The following EXD1 variants were observed in gnomAD, a reference collection of about 807,000 sequenced individuals.
EXD1 encodes exonuclease 3'-5' domain containing 1.
In EXD1, 63 loss-of-function variants were observed where a neutral mutation model predicts 49.1. The ratio of observed to expected loss-of-function variants is 1.28; its 90% confidence interval spans 1.05 to 1.58. The LOEUF is 1.58. Among genes scored for constraint, EXD1 ranks in the 40% most tolerant of loss-of-function variants. The probability of loss-of-function intolerance (pLI) is 0.00; values close to 1 mark genes in which losing one functional copy is unlikely to be tolerated. For missense variants in EXD1, 748 were observed against 666.0 expected, an observed-to-expected ratio of 1.12 and a Z score of -1.36; for synonymous variants, 234 against 239.2, an observed-to-expected ratio of 0.98 and a Z score of 0.20.
chr15:41,226,707 T>C, intron 1 of EXD1, 79 bp from the exon 2 acceptor site: 1 of 1,122,528 alleles, frequency 8.9e-7, no homozygotes, highest in African/African-American at 1.6e-5. Context: ...CCCATATCTG[T>C]AATGGACAAG....
intron 7 of EXD1, 127 bp downstream of exon 7, chr15:41,209,374 C>A: frequency 1.3e-6 from 1 of 765,398 alleles, no homozygotes; most frequent in Non-Finnish European, 2.2e-6. Flanking sequence ...CTATGATCTG[C>A]ACTGTGGCCT....
Position 41,209,585 on chromosome 15 carries a change from T to C in EXD1, c.450A>G (p.Ile150Met). The C allele has an allele frequency of 1.2e-6, 2 of 1,613,316 alleles. No homozygotes were observed. The highest frequency in any genetic ancestry group is 1.7e-6 in the Non-Finnish European group (2 of 1,179,766). ...NQFQQKFGAAILHIKKQNVLS... is the reference protein window; with the variant it reads ...NQFQQKFGAAMLHIKKQNVLS... ...GGACATTCTGCTTCTTGATATGGAG[T>C]ATCTGGTAAGAAAAAGAAGGAAAGG... is the stretch of plus-strand genomic sequence containing the variant. Residue 150 changes from isoleucine to methionine, a missense_variant and splice_region_variant, in exon 7 of 12, where the codon ATA (isoleucine) becomes ATG (methionine). By Grantham distance (10) the Ile-to-Met change is conservative (BLOSUM62 1). Coordinates refer to ENST00000458580, the MANE Select transcript of EXD1 (RefSeq NM_001286441.2).
chr15:41,188,177 CT>C (rs940380861), intron 11 of EXD1, among the ~76,000 whole-genome samples: 10 of 149,492 alleles, frequency 6.7e-5, no homozygotes, highest in South Asian at 2.1e-4. Flanking sequence ...ACTTCTACTA[CT>C]TTTTTTTTTA....
At chr15:41,212,520 G>C (rs1173186846) in intron 6 of EXD1, among the ~76,000 whole-genome samples, 2 of 152,042 alleles carry the variant, frequency 1.3e-5, no homozygotes, top group Admixed American at 1.3e-4. Context: ...AACAGCTTTG[G>C]AAAAAAGTCT....
intron 2 of EXD1, among the ~76,000 whole-genome samples, chr15:41,223,817 A>G (rs2047124192): frequency 6.6e-6 from 1 of 151,786 alleles, no homozygotes; most frequent in Non-Finnish European, 1.5e-5. Flanking sequence ...GTGAGCCAAG[A>G]TTGCACCACT....
At chr15:41,217,065 A>G (rs1380557051) in intron 4 of EXD1, 32 bp downstream of exon 4, 3 of 1,592,344 alleles carry the variant, frequency 1.9e-6, no homozygotes. Flanking sequence ...CATTTGGAAA[A>G]TATCATAATT....
chr15:41,185,185 G>A lies in EXD1; in HGVS notation c.1057-592C>T, dbSNP rs1023105633. Among the ~76,000 whole-genome samples, 8 of 152,114 alleles carry A rather than the reference G, an allele frequency of 5.3e-5. No individual in the cohort carries two copies. The South Asian group carries it at 6.2e-4, about 12-fold the overall frequency. On this transcript the variant is annotated intron_variant, in intron 11 of 11. Coordinates refer to ENST00000458580, the MANE Select transcript of EXD1 (RefSeq NM_001286441.2). ...TCCCTTCCAGCCTGGCCTCAGCTGC[G>A]TTAGCAGGTACATCTTCTTAGAGCA...
At position 41,219,916 on chromosome 15, in the gene EXD1, T is replaced by A; in HGVS notation, c.134-18A>T. 1 of 1,524,522 alleles carries A rather than the reference T, an allele frequency of 6.6e-7. No homozygotes were observed. 94.4% of individuals were successfully genotyped at this position (1,524,522 alleles called of 1,614,324 possible). ...ATTCTTCACTGTTACAGAAAACAAT[T>A]CATTCAGTTAATTAAAATATTTTCC... On this transcript the variant is annotated intron_variant, in intron 2 of 11. Coordinates refer to ENST00000458580, the MANE Select transcript of EXD1 (RefSeq NM_001286441.2).
chr15:41,229,255 A>C (rs1037776261), intron 1 of EXD1, among the ~76,000 whole-genome samples: 11 of 152,210 alleles, frequency 7.2e-5, no homozygotes, highest in African/African-American at 2.7e-4. Flanking sequence ...AGGCGGGTGG[A>C]TCACCTGAGT....
In EXD1 at chr15:41,191,560, A is replaced by T; in HGVS notation, c.746T>A (p.Met249Lys). Residue 249 changes from methionine to lysine, a missense_variant, in exon 10 of 12, where the codon ATG (methionine) becomes AAG (lysine). Met to Lys is a moderately conservative substitution (Grantham distance 95). Transcript: ENST00000458580. ...TQVADVLQFS[M>K]ETGGYLPNCI... The stretch of plus-strand genomic sequence containing the variant: ...GTTTGGAAGATAGCCACCCGTTTCC[A>T]TGGAAAACTGAAGTACATCTGCTAC... The T allele has an allele frequency of 1.2e-6, 2 of 1,614,096 alleles. No homozygotes were observed. Among genetic ancestry groups the T allele is most frequent in the Non-Finnish European group, 1.7e-6 (2 of 1,180,006 alleles).
In EXD1 at chr15:41,195,810, AC is replaced by A; in HGVS notation, c.684del (p.Gln228HisfsTer6). On this transcript the variant is annotated frameshift_variant, in exon 9 of 12. Transcript: ENST00000458580. LOFTEE classifies it high-confidence loss of function. The stretch of plus-strand genomic sequence containing the variant: ...AAGACATTATTCAGCAAAATTCCAT[AC>A]TGATGAGAGAGGCAATCAGAAAGCC... The part of the protein sequence containing the change: ...CRWLSDCLSH[Q>X]YGILLNNVFD... 2 of 1,613,688 alleles carry A rather than the reference AC, an allele frequency of 1.2e-6. No individual in the cohort carries two copies. The highest frequency in any genetic ancestry group is 1.7e-6 in the Non-Finnish European group (2 of 1,179,926).
intron 6 of EXD1, among the ~76,000 whole-genome samples, chr15:41,211,795 T>TAAAAA (rs57945609): frequency 1.7e-5 from 2 of 119,612 alleles, no homozygotes; most frequent in African/African-American, 6.8e-5. Flanking sequence ...CCTCATTTCT[T>TAAAAA]AAAAAAAAAA....
In EXD1 at chr15:41,226,607, ATCT is replaced by A. The variant is rs753973392; in HGVS notation, c.-35_-33del. 3.9e-6 allele frequency: 6 copies of A among 1,526,632 alleles called. No homozygotes were observed. Among genetic ancestry groups the A allele is most frequent in the African/African-American group, 1.4e-5 (1 of 72,870 alleles). 94.6% of individuals were successfully genotyped at this position (1,526,632 alleles called of 1,614,324 possible). On this transcript the variant is annotated 5_prime_UTR_variant, in exon 2 of 12. Transcript: ENST00000458580. ...TGATTCCAAAAGCCGTCTTCAAATA[ATCT>A]TCTTTAAGCATCCAAACACTTGAAA...
At chr15:41,205,744 G>A (rs1377993278) in intron 7 of EXD1, among the ~76,000 whole-genome samples, 1 of 145,112 alleles carries the variant, frequency 6.9e-6, no homozygotes, top group East Asian at 2.2e-4. Context: ...GGAAGGGAGG[G>A]AGGGAGGGAG....
chr15:41,221,279 T>G (rs1315217403), intron 2 of EXD1, among the ~76,000 whole-genome samples: 3 of 152,136 alleles, frequency 2.0e-5, no homozygotes, highest in African/African-American at 7.2e-5. Context: ...TGCTTTTTTA[T>G]TTTTTTAATT....
chr15:41,213,213 T>G (rs1448955067), intron 6 of EXD1, among the ~76,000 whole-genome samples: 1 of 151,820 alleles, frequency 6.6e-6, no homozygotes, highest in Non-Finnish European at 1.5e-5. Context: ...TTATTTTTAT[T>G]TTTTTTGAGA....
intron 11 of EXD1, among the ~76,000 whole-genome samples, chr15:41,188,331 C>T (rs1033741173): frequency 2.0e-5 from 3 of 151,224 alleles, no homozygotes; most frequent in Admixed American, 6.6e-5. Flanking sequence ...TCTCCCTCCT[C>T]TTCCCCCTCC....
intron 11 of EXD1, among the ~76,000 whole-genome samples, chr15:41,188,965 G>T (rs971507451): frequency 6.6e-6 from 1 of 151,152 alleles, no homozygotes; most frequent in East Asian, 2.0e-4. Flanking sequence ...ACCACGCCTG[G>T]CTCATTTTTT....
At chr15:41,191,408 AAAT>A (rs2046512600) in intron 10 of EXD1, 31 bp downstream of exon 10, 5 of 1,561,678 alleles carry the variant, frequency 3.2e-6, no homozygotes, top group Non-Finnish European at 4.4e-6. Flanking sequence ...ACTTGAAAAA[AAAT>A]AATGTCATAC....
Sources: gnomAD v4.1 joint callset for allele counts (sites outside exome capture counted in the v4.1 genomes callset) on GRCh38, gnomAD v4.1.1 for gene constraint, MANE v1.5 for transcripts, NCBI Gene and HGNC (gene_info 2026-07-23, HGNC 2026-07-21) for gene names.